The following POP1 variants were observed in gnomAD, a reference collection of about 807,000 sequenced individuals.
The protein encoded by POP1 is POP1 ribonuclease P/MRP subunit, also known as ribonucleases P/MRP protein subunit POP1.
Under a neutral mutation model 102.2 loss-of-function variants are expected in POP1, and 75 were observed. The observed-to-expected ratio is 0.73, with a 90% CI of 0.61 to 0.89. The LOEUF is 0.89. Among genes scored for constraint, POP1 ranks in the 40% least tolerant of loss-of-function variants. The pLI is 0.00. For missense variants in POP1, 1,116 were observed against 1,267.4 expected (o/e 0.88, Z 1.81); for synonymous variants, 436 against 464.1 (o/e 0.94, Z 0.78).
At chr8:98,119,703 C>T (rs546440756) in intron 1 of POP1, among the ~76,000 whole-genome samples, 4 of 152,030 alleles carry the variant, frequency 2.6e-5, no homozygotes, top group African/African-American at 2.4e-5. Flanking sequence ...TTCAGCCTCC[C>T]GAGTAGGTGG....
chr8:98,151,180 G>T (rs1009096078), intron 14 of POP1, among the ~76,000 whole-genome samples: 1 of 151,972 alleles, frequency 6.6e-6, no homozygotes, highest in African/African-American at 2.4e-5. Flanking sequence ...CTGCCTCCTG[G>T]GCTCAAGCGA....
At chr8:98,144,025 G>A (rs957149723) in intron 11 of POP1, among the ~76,000 whole-genome samples, 1 of 151,488 alleles carries the variant, frequency 6.6e-6, no homozygotes, top group African/African-American at 2.4e-5. Flanking sequence ...GCATGGTGGT[G>A]GGTGCCTATA....
intron 3 of POP1, 137 bp from the exon 4 acceptor site, chr8:98,128,228 A>G: frequency 3.8e-6 from 3 of 793,200 alleles, no homozygotes; most frequent in Non-Finnish European, 4.2e-6. Context: ...CCTTGTACCT[A>G]TACCTTAGAT....
rs117063948 is a variant in POP1, at chr8:98,144,435, C to T, written c.1595-2133C>T. ...GGATTACAGGCACATACCACTATGC[C>T]TGGCTAATTTTTAACTTTTTGTAGA... On this transcript the variant is annotated intron_variant, in intron 11 of 15. Transcript: ENST00000401707. Among the ~76,000 whole-genome samples the T allele has an allele frequency of 6.9e-3, 1,043 of 152,062 alleles. 11 individuals carry two copies. The highest frequency in any genetic ancestry group is 9.8e-3 in the Admixed American group (150 of 15,288).
At chr8:98,151,065 AC>A (rs1479867271) in intron 14 of POP1, among the ~76,000 whole-genome samples, 1 of 152,128 alleles carries the variant, frequency 6.6e-6, no homozygotes, top group Non-Finnish European at 1.5e-5. Flanking sequence ...TAGTCCTGCC[AC>A]CCAGAGAGAT....
chr8:98,148,806 C>T lies in POP1; in HGVS notation c.1711-9C>T, dbSNP rs749937606. 1 of 1,608,776 alleles carries T rather than the reference C, an allele frequency of 6.2e-7. No homozygotes were observed. Among genetic ancestry groups the T allele is most frequent in the South Asian group, 1.1e-5 (1 of 90,282 alleles). On this transcript the variant is annotated splice_polypyrimidine_tract_variant and intron_variant, in intron 12 of 15. Transcript: ENST00000401707. ...GCTATTTGTCTTGAATTATTTTCTTCCACTTTAGGATTTAAACCGGATGAG... is the reference window on the plus strand; with the variant it reads ...GCTATTTGTCTTGAATTATTTTCTTTCACTTTAGGATTTAAACCGGATGAG...
At chr8:98,153,985 G>T (rs1809584336) in intron 14 of POP1, among the ~76,000 whole-genome samples, 1 of 152,174 alleles carries the variant, frequency 6.6e-6, no homozygotes, top group Non-Finnish European at 1.5e-5. Context: ...TTCTGCAGTG[G>T]GGGGATTAAG....
intron 14 of POP1, among the ~76,000 whole-genome samples, chr8:98,155,494 G>C (rs1809622728): frequency 6.6e-6 from 1 of 152,010 alleles, no homozygotes; most frequent in Non-Finnish European, 1.5e-5. Flanking sequence ...TGTTGGCCAG[G>C]CTGGTCTCGA....
At chr8:98,130,966 C>T (rs1430781643) in intron 5 of POP1, among the ~76,000 whole-genome samples, 1 of 152,226 alleles carries the variant, frequency 6.6e-6, no homozygotes, top group Admixed American at 6.5e-5. Context: ...CATACTTAGA[C>T]ATTTGTTCTT....
rs1249845307 is a variant in POP1 at position 98,128,345 on chromosome 8, T to C, written c.311-20T>C. 6.2e-7 allele frequency: 1 copy of C among 1,612,826 alleles called. No homozygotes were observed. The highest frequency in any genetic ancestry group is 8.5e-7 in the Non-Finnish European group (1 of 1,179,494). The stretch of plus-strand genomic sequence containing the variant: ...TAATTCAAGATTGGTGTTTAATGAC[T>C]TTGTCATCTCCTTCAACAGCTTCTA... On this transcript the variant is annotated intron_variant, in intron 3 of 15. Coordinates refer to ENST00000401707, the MANE Select transcript of POP1 (RefSeq NM_001145860.2).
intron 11 of POP1, among the ~76,000 whole-genome samples, chr8:98,141,687 G>A (rs1399107626): frequency 6.6e-6 from 1 of 150,756 alleles, no homozygotes; most frequent in African/African-American, 2.4e-5. Context: ...CTGAGTAGCT[G>A]AAATTACAGG....
At position 98,129,967 on chromosome 8, in the gene POP1, T is replaced by G. The variant is rs1816330286; in HGVS notation, c.487-11T>G. ...ACAAACTGGGATATGTCCCTCTACT[T>G]GAAACTATAGGCGGAGAAAGCCGTA... On this transcript the variant is annotated splice_polypyrimidine_tract_variant and intron_variant, in intron 4 of 15. Transcript: ENST00000401707. 6.2e-7 allele frequency: 1 copy of G among 1,613,754 alleles called. No individual in the cohort carries two copies. Among genetic ancestry groups the G allele is most frequent in the Admixed American group, 1.7e-5 (1 of 59,994 alleles).
intron 1 of POP1, among the ~76,000 whole-genome samples, 191 bp downstream of exon 1, chr8:98,117,581 C>T (rs895865269): frequency 3.9e-5 from 6 of 152,182 alleles, no homozygotes; most frequent in African/African-American, 4.8e-5. Context: ...GCGCTGGAGC[C>T]CCCTACGTCA....
intron 5 of POP1, 125 bp from the exon 6 acceptor site, chr8:98,133,824 C>T: frequency 1.3e-6 from 1 of 789,098 alleles, no homozygotes; most frequent in Non-Finnish European, 2.3e-6. Flanking sequence ...CTTATGAGAA[C>T]ATAGCTTTAG....
chr8:98,153,380 G>T (rs777271620), intron 14 of POP1, among the ~76,000 whole-genome samples: 5 of 152,064 alleles, frequency 3.3e-5, no homozygotes, highest in Non-Finnish European at 5.9e-5. Flanking sequence ...AAGGAAGAAG[G>T]GGGGGATTCA....
chr8:98,118,724 C>T (rs1815922815), intron 1 of POP1, among the ~76,000 whole-genome samples: 1 of 152,168 alleles, frequency 6.6e-6, no homozygotes, highest in South Asian at 2.1e-4. Flanking sequence ...TATGCCCGGC[C>T]TCATTTTTTT....
intron 7 of POP1, 82 bp from the exon 8 acceptor site, chr8:98,136,400 T>TA: frequency 1.5e-5 from 21 of 1,428,216 alleles, no homozygotes; most frequent in African/African-American, 3.5e-5. Flanking sequence ...TTAAAGAGAT[T>TA]TAAAAAAAAA....
chr8:98,130,447 G>A (rs897292253), intron 5 of POP1, among the ~76,000 whole-genome samples: 1 of 152,170 alleles, frequency 6.6e-6, no homozygotes, highest in Non-Finnish European at 1.5e-5. Flanking sequence ...CAGATATGTG[G>A]TTGTAAGGGA....
intron 1 of POP1, among the ~76,000 whole-genome samples, chr8:98,122,587 G>T (rs1022872882): frequency 5.9e-5 from 9 of 152,128 alleles, no homozygotes; most frequent in African/African-American, 2.2e-4. Context: ...TGCCTGTGTG[G>T]ATGTTATTAT....
Sources: allele counts gnomAD v4.1 joint callset (sites outside exome capture counted in the v4.1 genomes callset), GRCh38; gene constraint gnomAD v4.1.1; transcripts MANE v1.5; gene names NCBI Gene and HGNC (gene_info 2026-07-23, HGNC 2026-07-21).